Variants in ATG7 observed in about 807,000 individuals in gnomAD.
ATG7 encodes ubiquitin-like modifier-activating enzyme ATG7.
A neutral mutation model predicts 82.4 loss-of-function variants in ATG7; 70 were observed. The ratio of observed to expected loss-of-function variants is 0.85; its 90% CI spans 0.70 to 1.04. The LOEUF is 1.04. Among genes scored for constraint, ATG7 ranks in the 50% least tolerant of loss-of-function variants. The pLI is 0.00. For synonymous variants in ATG7, 287 were observed against 313.0 expected (o/e 0.92, Z 0.88); for missense variants, 792 against 864.3 (o/e 0.92, Z 1.05).
At chr3:11,411,698 C>G (rs888110345) in intron 19 of ATG7, among the ~76,000 whole-genome samples, 1 of 148,618 alleles carries the variant, frequency 6.7e-6, no homozygotes, top group African/African-American at 2.5e-5. Context: ...CCAGAAGTTG[C>G]CTTTTTACTC....
intron 18 of ATG7, among the ~76,000 whole-genome samples, chr3:11,375,732 A>T (rs1375959308): frequency 6.6e-6 from 1 of 152,066 alleles, no homozygotes. Flanking sequence ...GCTAATTTTT[A>T]TATTTTTACT....
intron 19 of ATG7, among the ~76,000 whole-genome samples, chr3:11,409,203 C>G (rs529952264): frequency 2.0e-5 from 3 of 152,162 alleles, no homozygotes; most frequent in South Asian, 4.1e-4. Flanking sequence ...AATAGTTTGA[C>G]TTACAATTTT....
At chr3:11,457,461 T>C (rs922913314) in intron 20 of ATG7, among the ~76,000 whole-genome samples, 2 of 152,216 alleles carry the variant, frequency 1.3e-5, no homozygotes, top group South Asian at 2.1e-4. Context: ...GAGTCTCTTC[T>C]TGGGGCATAA....
downstream of ATG7, chr3:11,558,223 C>T: frequency 2.6e-6 from 1 of 391,700 alleles, no homozygotes; most frequent in Non-Finnish European, 4.6e-6. Flanking sequence ...TTCATCATGG[C>T]TTGTGACTGA....
At chr3:11,297,010 G>A (rs1049251957) in intron 3 of ATG7, among the ~76,000 whole-genome samples, 8 of 152,056 alleles carry the variant, frequency 5.3e-5, no homozygotes, top group Non-Finnish European at 1.0e-4. Flanking sequence ...TAATAGTCTT[G>A]GCACAAAACT....
chr3:11,272,746 G>A (rs575001639), intron 1 of ATG7: 3 of 152,330 alleles, frequency 2.0e-5, no homozygotes, highest in African/African-American at 7.2e-5. Flanking sequence ...TTGGAACACG[G>A]GAGATGGGAC....
chr3:11,394,810 A>G (rs988804263), intron 19 of ATG7, among the ~76,000 whole-genome samples: 5 of 152,216 alleles, frequency 3.3e-5, no homozygotes, highest in Admixed American at 2.6e-4. Flanking sequence ...ATGAAATCTT[A>G]GAGGGAAATA....
At chr3:11,571,966 G>A in the ATG7 span, among the ~76,000 whole-genome samples, 1 of 152,148 alleles carries the variant, frequency 6.6e-6, no homozygotes, top group Non-Finnish European at 1.5e-5. Flanking sequence ...AATTATCTGG[G>A]CGTGGTGTCA....
chr3:11,374,342 G>T (rs1005339707), intron 18 of ATG7, among the ~76,000 whole-genome samples: 1 of 152,172 alleles, frequency 6.6e-6, no homozygotes, highest in Non-Finnish European at 1.5e-5. Context: ...AAAGAATGCC[G>T]TTTTCAACAA....
intron 20 of ATG7, among the ~76,000 whole-genome samples, chr3:11,480,924 A>T (rs945651191): frequency 1.3e-5 from 2 of 152,220 alleles, no homozygotes; most frequent in African/African-American, 2.4e-5. Flanking sequence ...GGAGAGCAAG[A>T]GGTCCTGGTC....
intron 20 of ATG7, among the ~76,000 whole-genome samples, chr3:11,458,322 G>C (rs901428072): frequency 6.6e-6 from 1 of 151,970 alleles, no homozygotes; most frequent in African/African-American, 2.4e-5. Context: ...GGAGTGCAGC[G>C]GCACCATCTC....
chr3:11,468,311 G>A (rs1243030557), intron 20 of ATG7, among the ~76,000 whole-genome samples: 1 of 41,328 alleles, frequency 2.4e-5, no homozygotes, highest in Non-Finnish European at 4.3e-5. Flanking sequence ...GGGGTAAGTG[G>A]AGCTAGTGGG....
chr3:11,310,906 A>T (rs915047559), intron 7 of ATG7, among the ~76,000 whole-genome samples: 1 of 152,182 alleles, frequency 6.6e-6, no homozygotes, highest in Admixed American at 6.5e-5. Context: ...TGCTGGGATT[A>T]CAGGCATGAG....
the ATG7 span, among the ~76,000 whole-genome samples, chr3:11,574,948 T>C: frequency 2.6e-5 from 4 of 151,994 alleles, no homozygotes; most frequent in Non-Finnish European, 1.5e-5. Context: ...GTCGGCCGAG[T>C]TACCATCCAA....
chr3:11,347,960 T>A lies in ATG7; in HGVS notation c.1209T>A (p.Phe403Leu), dbSNP rs750157589. The change falls in exon 14 of 21, where the codon TTT becomes TTA. Residue 403 changes from phenylalanine to leucine, a missense_variant. By Grantham distance (22) the Phe-to-Leu change is conservative (BLOSUM62 0). Coordinates refer to ENST00000693202, the MANE Select transcript of ATG7 (RefSeq NM_001349232.2). ...CTGTGAGGCAGCCTCTCTATGAGTT[T>A]GAAGATTGCCTAGGGGGTGGTAAGC... ...SNPVRQPLYE[F>L]EDCLGGGKPK... The A allele has an allele frequency of 8.7e-6, 14 of 1,614,038 alleles. No individual in the cohort carries two copies. Among genetic ancestry groups the A allele is most frequent in the Admixed American group, 1.7e-5 (1 of 60,000 alleles).
intron 20 of ATG7, among the ~76,000 whole-genome samples, chr3:11,480,752 T>C (rs1477090207): frequency 3.3e-5 from 5 of 152,210 alleles, no homozygotes; most frequent in African/African-American, 1.2e-4. Context: ...AACAATTCAC[T>C]GCCAAGTCAC....
chr3:11,417,805 A>ATTTTTTTTTTTTTTTTTTTTTTTTTT (rs200364263), intron 19 of ATG7, among the ~76,000 whole-genome samples: 7 of 52,754 alleles, frequency 1.3e-4, no homozygotes, highest in South Asian at 7.1e-4. Context: ...TTATTATTTT[A>ATTTTTTTTTTTTTTTTTTTTTTTTTT]TTTTATTTTA....
chr3:11,523,998 C>G (rs907153135), intron 20 of ATG7, among the ~76,000 whole-genome samples: 3 of 152,202 alleles, frequency 2.0e-5, no homozygotes, highest in Admixed American at 1.3e-4. Flanking sequence ...GCTGTGGGAA[C>G]TCTGTGATTT....
intron 20 of ATG7, among the ~76,000 whole-genome samples, chr3:11,440,395 G>C (rs1343393614): frequency 7.3e-6 from 1 of 136,130 alleles, no homozygotes; most frequent in Non-Finnish European, 1.5e-5. Context: ...CGGGATCTCG[G>C]CTCACTGCAA....
Sources: allele counts gnomAD v4.1 joint callset (sites outside exome capture counted in the v4.1 genomes callset), GRCh38; gene constraint gnomAD v4.1.1; transcripts MANE v1.5; gene names NCBI Gene and HGNC (gene_info 2026-07-23, HGNC 2026-07-21).